The following ADGRV1 variants were observed in gnomAD, a reference collection of about 807,000 sequenced individuals.
ADGRV1 encodes adhesion G protein-coupled receptor V1, also known as G-protein coupled receptor 98.
ADGRV1 carries 359 observed loss-of-function variants against 596.2 expected under a neutral mutation model. The observed-to-expected ratio is 0.60, with a 90% CI of 0.55 to 0.66. The LOEUF (loss-of-function observed/expected upper bound fraction) is 0.66, where lower values mean the gene tolerates loss of function less well. Ranked by LOEUF, ADGRV1 falls within the 30% of genes least tolerant of loss-of-function variation. The pLI is 0.00. For synonymous variants in ADGRV1, 2,681 were observed against 2,679.2 expected (o/e 1.00, Z -0.02); for missense variants, 7,274 against 7,575.6 (o/e 0.96, Z 1.48).
intron 21 of ADGRV1, among the ~76,000 whole-genome samples, chr5:90,669,088 C>A (rs771791756): frequency 1.3e-5 from 2 of 152,278 alleles, no homozygotes; most frequent in Admixed American, 1.3e-4. Context: ...TGAGATGTTA[C>A]GATCCCCATT....
At chr5:90,759,933 C>G (rs1326844829) in intron 58 of ADGRV1, 1 of 147,886 alleles carries the variant, frequency 6.8e-6, no homozygotes, top group Non-Finnish European at 1.3e-5. Context: ...CCATTGCACT[C>G]CAGCCTGGCG....
Position 90,681,304 on chromosome 5 carries a change from T to C in ADGRV1, c.5525-11T>C. ...TTTTTTTTTTCTATTTGTTGGAACTTGTTCATGCAGCCAGTCTAGGAGTGG... is the reference window on the plus strand; with the variant it reads ...TTTTTTTTTTCTATTTGTTGGAACTCGTTCATGCAGCCAGTCTAGGAGTGG... On this transcript the variant is annotated splice_polypyrimidine_tract_variant and intron_variant, in intron 26 of 89. Coordinates refer to ENST00000405460, the MANE Select transcript of ADGRV1 (RefSeq NM_032119.4). 6.2e-7 allele frequency: 1 copy of C among 1,610,770 alleles called. No homozygotes were observed. Among genetic ancestry groups the C allele is most frequent in the Non-Finnish European group, 8.5e-7 (1 of 1,178,620 alleles).
At chr5:90,729,799 G>T (rs1470298852) in intron 50 of ADGRV1, 35 bp downstream of exon 50, 2 of 1,601,758 alleles carry the variant, frequency 1.2e-6, no homozygotes, top group Non-Finnish European at 1.7e-6. Context: ...AATTCTAAAG[G>T]TAGTATGGAA....
chr5:90,705,050 C>T (rs569639570), intron 36 of ADGRV1, among the ~76,000 whole-genome samples: 17 of 152,150 alleles, frequency 1.1e-4, no homozygotes, highest in African/African-American at 2.4e-4. Flanking sequence ...TCTTGTGATC[C>T]GCCTGTCTCG....
chr5:91,055,040 C>T (rs1026552238), intron 85 of ADGRV1, among the ~76,000 whole-genome samples: 18 of 152,070 alleles, frequency 1.2e-4, no homozygotes, highest in African/African-American at 3.6e-4. Context: ...TTGACAGAAC[C>T]GAATAAACAT....
At chr5:90,756,840 A>C (rs981779065) in intron 56 of ADGRV1, 139 bp from the exon 57 acceptor site, 7 of 767,124 alleles carry the variant, frequency 9.1e-6, no homozygotes, top group Admixed American at 3.0e-5. Flanking sequence ...AAGACCTTTT[A>C]TGCATACTTA....
At chr5:90,722,654 G>T (rs1425907297) in intron 45 of ADGRV1, among the ~76,000 whole-genome samples, 1 of 139,194 alleles carries the variant, frequency 7.2e-6, no homozygotes, top group African/African-American at 2.7e-5. Flanking sequence ...GGTGGAGGAT[G>T]CCGTGAGCCG....
At chr5:90,662,415 G>T (rs1561479583) in intron 21 of ADGRV1, among the ~76,000 whole-genome samples, 2 of 151,652 alleles carry the variant, frequency 1.3e-5, no homozygotes, top group Non-Finnish European at 2.9e-5. Flanking sequence ...GGATGGTCTC[G>T]ATCTCCTGAC....
chr5:90,652,363 G>C lies in ADGRV1; in HGVS notation c.3434G>C (p.Gly1145Ala). The C allele has an allele frequency of 2.5e-6, 4 of 1,593,340 alleles. No individual in the cohort carries two copies. The highest frequency in any genetic ancestry group is 3.4e-6 in the Non-Finnish European group (4 of 1,171,060). The part of the protein sequence containing the change: ...TNAFWILRHR[G>A]YFGSVSVSWQ... ...TTTTGTAGGATTTTGAGGCACCGAG[G>C]ATACTTTGGTAGTGTTTCTGTATCT... The change falls in exon 19 of 90, where the codon GGA becomes GCA. Residue 1145 changes from glycine to alanine, a missense_variant. Coordinates refer to ENST00000405460, the MANE Select transcript of ADGRV1 (RefSeq NM_032119.4).
chr5:90,676,716 G>C (rs1405298959), intron 25 of ADGRV1: 1 of 153,256 alleles, frequency 6.5e-6, no homozygotes, highest in East Asian at 1.9e-4. Context: ...TTCATGGTAG[G>C]TTCCCCTAAG....
chr5:91,099,828 T>G (rs1415047918), intron 86 of ADGRV1, among the ~76,000 whole-genome samples: 1 of 152,172 alleles, frequency 6.6e-6, no homozygotes, highest in Non-Finnish European at 1.5e-5. Context: ...CTAATGAATT[T>G]CAATATATAG....
intron 21 of ADGRV1, among the ~76,000 whole-genome samples, chr5:90,659,100 T>C (rs1306916171): frequency 6.6e-6 from 1 of 152,238 alleles, no homozygotes; most frequent in Non-Finnish European, 1.5e-5. Context: ...CTGGAGTGTC[T>C]TTCTTGCCAC....
intron 87 of ADGRV1, among the ~76,000 whole-genome samples, chr5:91,145,928 G>A (rs1312087851): frequency 6.6e-6 from 1 of 152,104 alleles, no homozygotes; most frequent in Non-Finnish European, 1.5e-5. Context: ...AAAGTTGTTT[G>A]TAATTCTTAG....
intron 9 of ADGRV1, 52 bp from the exon 10 acceptor site, chr5:90,635,062 A>T (rs931933074): frequency 5.6e-6 from 7 of 1,257,262 alleles, no homozygotes; most frequent in Non-Finnish European, 7.8e-6. Context: ...CTTTTTTAAA[A>T]AATTTATATT....
intron 85 of ADGRV1, among the ~76,000 whole-genome samples, chr5:91,028,085 A>C (rs553488708): frequency 1.3e-3 from 191 of 150,314 alleles, no homozygotes; most frequent in African/African-American, 4.3e-3. Context: ...CTGAACTTCA[A>C]CTTTTCTCTG....
At chr5:90,668,824 T>G (rs1772001216) in intron 21 of ADGRV1, among the ~76,000 whole-genome samples, 1 of 152,108 alleles carries the variant, frequency 6.6e-6, no homozygotes, top group Non-Finnish European at 1.5e-5. Flanking sequence ...AAGCTATAGG[T>G]TTTGATGAAG....
intron 85 of ADGRV1, among the ~76,000 whole-genome samples, chr5:91,040,752 A>G (rs200563351): frequency 1.3e-5 from 2 of 152,152 alleles, no homozygotes; most frequent in East Asian, 3.8e-4. Flanking sequence ...ATCTCCATCT[A>G]TTATCAACTA....
chr5:90,576,305 G>A (rs1369293843), intron 1 of ADGRV1, among the ~76,000 whole-genome samples: 7 of 138,286 alleles, frequency 5.1e-5, no homozygotes, highest in African/African-American at 1.7e-4. Flanking sequence ...GATGTTCCCC[G>A]CTGTGTGTCC....
At chr5:90,842,627 A>T (rs1298115215) in intron 78 of ADGRV1, among the ~76,000 whole-genome samples, 2 of 152,092 alleles carry the variant, frequency 1.3e-5, no homozygotes, top group Non-Finnish European at 2.9e-5. Context: ...CTGAGGCAGG[A>T]GAATCGCTTG....
Sources: gnomAD v4.1 joint callset for allele counts (sites outside exome capture counted in the v4.1 genomes callset) on GRCh38, gnomAD v4.1.1 for gene constraint, MANE v1.5 for transcripts, NCBI Gene and HGNC (gene_info 2026-07-23, HGNC 2026-07-21) for gene names.